The following BCAR3 variants were observed in gnomAD, a reference collection of about 807,000 sequenced individuals.
BCAR3 encodes BCAR3 adaptor protein, NSP family member.
BCAR3 carries 37 observed loss-of-function variants against 80.1 expected under a neutral mutation model. The ratio of observed to expected loss-of-function variants is 0.46; its 90% CI spans 0.36 to 0.61. The LOEUF (loss-of-function observed/expected upper bound fraction) is 0.61, where lower values mean the gene tolerates loss of function less well. Among genes scored for constraint, BCAR3 ranks in the 20% least tolerant of loss-of-function variants. The pLI, the probability that BCAR3 is intolerant of heterozygous loss-of-function variation, is 0.00. For missense variants in BCAR3, 978 were observed against 1,068.2 expected (o/e 0.92, Z 1.18); for synonymous variants, 389 against 418.9 (o/e 0.93, Z 0.87).
Position 93,637,175 on chromosome 1 carries a change from A to AT in BCAR3, c.357+5128dup, listed in dbSNP as rs910808949. ...ATAAAGGGGAAGGAGAAAATGTAAA[A>AT]TTTTTTTTTTTTTGAGACGAGTCTT... On this transcript the variant is annotated intron_variant, in intron 3 of 11. Transcript: ENST00000260502. 5.4e-3 allele frequency among the ~76,000 whole-genome samples: 788 copies of AT among 144,854 alleles called. 5 individuals carry two copies. The highest frequency in any genetic ancestry group is 0.018 in the African/African-American group (697 of 39,768).
chr1:93,776,008 G>A (rs1225745925), intron 2 of BCAR3, among the ~76,000 whole-genome samples: 1 of 152,068 alleles, frequency 6.6e-6, no homozygotes, highest in East Asian at 1.9e-4. Context: ...AAGTATTCTC[G>A]TCAGCTAGCC....
intron 2 of BCAR3, among the ~76,000 whole-genome samples, chr1:93,646,129 A>C (rs1216556324): frequency 2.0e-5 from 3 of 152,264 alleles, no homozygotes; most frequent in Admixed American, 2.0e-4. Flanking sequence ...GCACTTAATC[A>C]GATACTTAAA....
chr1:93,833,556 T>C (rs1218280902), intron 2 of BCAR3, among the ~76,000 whole-genome samples: 1 of 152,158 alleles, frequency 6.6e-6, no homozygotes, highest in African/African-American at 2.4e-5. Flanking sequence ...GAGCGGTCAT[T>C]TTAGAAGCCT....
At chr1:93,822,186 C>CTT (rs5776189) in intron 2 of BCAR3, among the ~76,000 whole-genome samples, 2 of 141,894 alleles carry the variant, frequency 1.4e-5, no homozygotes, top group African/African-American at 2.6e-5. Context: ...TTTTTTTTTT[C>CTT]TTTTTTTTTT....
chr1:93,611,498 T>C (rs1370133049), intron 3 of BCAR3, among the ~76,000 whole-genome samples: 1 of 152,238 alleles, frequency 6.6e-6, no homozygotes, highest in East Asian at 1.9e-4. Flanking sequence ...TAGTCTTTTA[T>C]GTAACGGCTG....
chr1:93,788,396 T>C (rs1653025647), intron 2 of BCAR3, among the ~76,000 whole-genome samples: 1 of 152,202 alleles, frequency 6.6e-6, no homozygotes, highest in Admixed American at 6.5e-5. Context: ...GTTATTGTTT[T>C]ATAGGCCCTG....
chr1:93,811,263 G>T (rs1456832983), intron 2 of BCAR3, among the ~76,000 whole-genome samples: 1 of 152,150 alleles, frequency 6.6e-6, no homozygotes, highest in African/African-American at 2.4e-5. Flanking sequence ...TAGTTTCTAT[G>T]GGACAGATAC....
intron 2 of BCAR3, among the ~76,000 whole-genome samples, chr1:93,755,738 G>T (rs925839401): frequency 6.6e-6 from 1 of 152,174 alleles, no homozygotes; most frequent in African/African-American, 2.4e-5. Context: ...TATATAAAAA[G>T]ATATAGAGTG....
intron 5 of BCAR3, among the ~76,000 whole-genome samples, chr1:93,588,059 A>G (rs914078110): frequency 1.3e-5 from 2 of 151,964 alleles, no homozygotes; most frequent in African/African-American, 4.8e-5. Flanking sequence ...TGCATCTCCT[A>G]TCTTAGAAAT....
chr1:93,656,798 C>G (rs1184582891), intron 2 of BCAR3, among the ~76,000 whole-genome samples: 1 of 152,064 alleles, frequency 6.6e-6, no homozygotes, highest in Admixed American at 6.6e-5. Flanking sequence ...GAGACAGGGT[C>G]TCGCTATGTT....
chr1:93,840,768 T>C (rs56670109), intron 2 of BCAR3, among the ~76,000 whole-genome samples: 19,649 of 152,194 alleles, frequency 0.13, 1,918 homozygotes, highest in African/African-American at 0.26. Context: ...TACAAAACAG[T>C]TAGAAAGCAC....
upstream of BCAR3, among the ~76,000 whole-genome samples, chr1:93,682,584 C>T (rs188651081): frequency 2.0e-5 from 3 of 152,260 alleles, no homozygotes; most frequent in Non-Finnish European, 2.9e-5. Context: ...GACAGAGTTT[C>T]GGTCTTGTTG....
At chr1:93,610,442 A>G (rs969111335) in intron 3 of BCAR3, among the ~76,000 whole-genome samples, 7 of 152,184 alleles carry the variant, frequency 4.6e-5, no homozygotes, top group Non-Finnish European at 1.0e-4. Flanking sequence ...CAGTTATTAA[A>G]AAAAGGAGAA....
intron 2 of BCAR3, among the ~76,000 whole-genome samples, chr1:93,707,576 G>A (rs545547026): frequency 5.3e-5 from 8 of 152,008 alleles, no homozygotes; most frequent in South Asian, 4.2e-4. Context: ...GTGTGGTGGC[G>A]CGTGCCTGTA....
At chr1:93,642,189 A>T in intron 3 of BCAR3, 115 bp downstream of exon 3, 5 of 1,180,662 alleles carry the variant, frequency 4.2e-6, no homozygotes, top group Non-Finnish European at 6.3e-6. Context: ...TGTTTTGGAG[A>T]GTCTAATCAG....
At chr1:93,755,700 A>G (rs1251150871) in intron 2 of BCAR3, among the ~76,000 whole-genome samples, 2 of 152,180 alleles carry the variant, frequency 1.3e-5, no homozygotes, top group Non-Finnish European at 2.9e-5. Context: ...TTCCAAATGT[A>G]TCCCCATCAT....
intron 3 of BCAR3, among the ~76,000 whole-genome samples, chr1:93,601,701 G>T (rs1393396970): frequency 6.6e-6 from 1 of 152,144 alleles, no homozygotes; most frequent in Admixed American, 6.5e-5. Context: ...TGATTTTCTA[G>T]TCATTCATTT....
chr1:93,805,091 T>C (rs888673373), intron 2 of BCAR3, among the ~76,000 whole-genome samples: 1 of 152,244 alleles, frequency 6.6e-6, no homozygotes, highest in Admixed American at 6.5e-5. Context: ...TGTTTATACA[T>C]TTGCTACAAT....
Position 93,674,745 on chromosome 1 carries a change from C to T in BCAR3, c.186G>A (p.Arg62=), listed in dbSNP as rs760982104. ...CCATGTGACTGAAGTCATCACAGGA[C>T]CTTATGGGAGGAGGACCTTTTTTCT... ...PRKKKGPPPI[R]SCDDFSHMGT... is the part of the protein sequence containing the mutation. Residue 62 remains arginine, a synonymous_variant, in exon 2 of 12, where the codon AGG becomes AGA. Transcript: ENST00000260502. 3 of 1,613,348 alleles carry T rather than the reference C, an allele frequency of 1.9e-6. No individual in the cohort carries two copies. Among genetic ancestry groups the T allele is most frequent in the South Asian group, 1.1e-5 (1 of 90,900 alleles).
Sources: gnomAD v4.1 joint callset for allele counts (sites outside exome capture counted in the v4.1 genomes callset) on GRCh38, gnomAD v4.1.1 for gene constraint, MANE v1.5 for transcripts, NCBI Gene and HGNC (gene_info 2026-07-23, HGNC 2026-07-21) for gene names.